Variants in MYO16 observed in about 807,000 individuals in gnomAD.
MYO16 encodes unconventional myosin-XVI.
Under a neutral mutation model 205.3 loss-of-function variants are expected in MYO16, and 94 were observed. The observed-to-expected ratio is 0.46, with a 90% confidence interval of 0.39 to 0.54. The LOEUF (loss-of-function observed/expected upper bound fraction) is 0.54. Ranked by LOEUF, MYO16 falls within the 20% of genes least tolerant of loss-of-function variation. The pLI, the probability that MYO16 is intolerant of heterozygous loss-of-function variation, is 0.00. For missense variants in MYO16, 2,315 were observed against 2,387.5 expected (o/e 0.97, Z 0.63); for synonymous variants, 988 against 954.0 (o/e 1.04, Z -0.66).
chr13:108,565,077 C>T, the MYO16 span, among the ~76,000 whole-genome samples: 3 of 152,076 alleles, frequency 2.0e-5, no homozygotes, highest in Non-Finnish European at 2.9e-5. Flanking sequence ...TTTGAAGTCA[C>T]GTAATATGAT....
At chr13:108,549,247 T>C in the MYO16 span, among the ~76,000 whole-genome samples, 3 of 152,164 alleles carry the variant, frequency 2.0e-5, no homozygotes, top group Non-Finnish European at 4.4e-5. Context: ...GGTGATCCCA[T>C]ATGATCCTAC....
chr13:108,584,685 C>T, the MYO16 span, among the ~76,000 whole-genome samples: 1 of 152,062 alleles, frequency 6.6e-6, no homozygotes, highest in Non-Finnish European at 1.5e-5. Flanking sequence ...ATGAGTTACC[C>T]TTTTTTAGCT....
intron 32 of MYO16, among the ~76,000 whole-genome samples, chr13:109,160,007 C>A (rs1029453611): frequency 2.6e-5 from 4 of 152,202 alleles, no homozygotes; most frequent in Non-Finnish European, 5.9e-5. Context: ...CGAGGTTTCT[C>A]GGCCTCAGTA....
chr13:108,724,331 A>G (rs1358732097), intron 3 of MYO16, among the ~76,000 whole-genome samples: 1 of 152,170 alleles, frequency 6.6e-6, no homozygotes, highest in Non-Finnish European at 1.5e-5. Flanking sequence ...TAGTACTGCC[A>G]GTGGAATGTT....
intron 1 of MYO16, among the ~76,000 whole-genome samples, chr13:108,599,856 T>C (rs1265896457): frequency 1.3e-5 from 2 of 152,188 alleles, no homozygotes; most frequent in Non-Finnish European, 2.9e-5. Context: ...CTTTGTAGCC[T>C]TGTACAGGCA....
chr13:109,062,546 TCAGTGG>T (rs1887624654), intron 27 of MYO16, among the ~76,000 whole-genome samples: 2 of 152,264 alleles, frequency 1.3e-5, no homozygotes, highest in South Asian at 4.1e-4. Flanking sequence ...TAATGGCATA[TCAGTGG>T]AAATGGAATT....
intron 4 of MYO16, among the ~76,000 whole-genome samples, chr13:108,741,338 G>T (rs4485216): frequency 5.9e-5 from 9 of 152,184 alleles, no homozygotes; most frequent in African/African-American, 2.2e-4. Flanking sequence ...GACTCACTCC[G>T]AATGAAGACT....
intron 16 of MYO16, among the ~76,000 whole-genome samples, chr13:108,947,377 T>C (rs532468833): frequency 1.3e-5 from 2 of 152,284 alleles, no homozygotes; most frequent in African/African-American, 4.8e-5. Context: ...AGGCTGAGGA[T>C]GTCTTGGTGT....
At chr13:109,023,626 T>TGTATATATAC in intron 23 of MYO16, among the ~76,000 whole-genome samples, 1 of 119,612 alleles carries the variant, frequency 8.4e-6, no homozygotes, top group African/African-American at 3.3e-5. Context: ...TACAAATATA[T>TGTATATATAC]AGACAAATAT....
At chr13:109,004,357 C>T (rs1445726693) in intron 21 of MYO16, among the ~76,000 whole-genome samples, 1 of 152,064 alleles carries the variant, frequency 6.6e-6, no homozygotes, top group East Asian at 1.9e-4. Flanking sequence ...TATTTCACCC[C>T]AAACTTTAAT....
intron 13 of MYO16, among the ~76,000 whole-genome samples, chr13:108,884,878 T>C (rs1328285545): frequency 6.6e-6 from 1 of 151,434 alleles, no homozygotes; most frequent in Admixed American, 6.6e-5. Flanking sequence ...AGACAGGGGC[T>C]CTCATCCATT....
chr13:108,698,580 G>A lies in MYO16; in HGVS notation c.293-14081G>A, dbSNP rs77090239. 1.4e-3 allele frequency among the ~76,000 whole-genome samples: 212 copies of A among 152,260 alleles called. 2 individuals are homozygous for A. The highest frequency in any genetic ancestry group is 3.4e-3 in the Middle Eastern group (1 of 294). On this transcript the variant is annotated intron_variant, in intron 2 of 34. Coordinates refer to ENST00000457511, the MANE Select transcript of MYO16 (RefSeq NM_001198950.3). Reference sequence around the variant, plus strand: ...AGAATTATCTAAGATAAAAGGAAATGCATGATGAAACTGCAGGGTGGGGTG... The same window carrying A: ...AGAATTATCTAAGATAAAAGGAAATACATGATGAAACTGCAGGGTGGGGTG...
chr13:108,596,508 C>T (rs1285381126), intron 1 of MYO16, among the ~76,000 whole-genome samples: 3 of 151,602 alleles, frequency 2.0e-5, no homozygotes, highest in East Asian at 1.9e-4. Flanking sequence ...TGAAAGTCTT[C>T]GTGAGTGAAG....
chr13:109,100,963 C>G (rs998793394), intron 28 of MYO16, 76 bp downstream of exon 28: 1 of 1,284,238 alleles, frequency 7.8e-7, no homozygotes, highest in Non-Finnish European at 1.1e-6. Context: ...AGGGAGCCAC[C>G]AGAATCTTCC....
intron 28 of MYO16, among the ~76,000 whole-genome samples, chr13:109,108,440 C>T (rs921553771): frequency 4.6e-5 from 7 of 152,198 alleles, no homozygotes; most frequent in Non-Finnish European, 4.4e-5. Context: ...CTATCTGGCA[C>T]CTACTAATTG....
chr13:108,846,912 T>C lies in MYO16; in HGVS notation c.1248+2419T>C, dbSNP rs191534829. 2.0e-5 allele frequency among the ~76,000 whole-genome samples: 3 copies of C among 152,312 alleles called. No homozygotes were observed. The East Asian group carries it at 5.8e-4, about 29-fold the overall frequency. On this transcript the variant is annotated intron_variant, in intron 10 of 34. Transcript: ENST00000457511. ...GATATGGCATGACTTTTAGTCAATG[T>C]GTATATGTGAAATTATTGTACATTT...
chr13:109,139,127 G>C (rs1325573044), intron 31 of MYO16, among the ~76,000 whole-genome samples: 14 of 152,236 alleles, frequency 9.2e-5, no homozygotes, highest in Admixed American at 8.5e-4. Context: ...GCTAATTTTT[G>C]TATTTTTGGT....
chr13:108,496,187 C>A, the MYO16 span, among the ~76,000 whole-genome samples: 1 of 151,676 alleles, frequency 6.6e-6, no homozygotes, highest in African/African-American at 2.4e-5. Flanking sequence ...GACTTCCCAA[C>A]CGCTAGGACG....
At chr13:108,713,142 T>C (rs1014944527) in intron 3 of MYO16, among the ~76,000 whole-genome samples, 3 of 151,868 alleles carry the variant, frequency 2.0e-5, no homozygotes, top group African/African-American at 7.3e-5. Context: ...AAGTAGGGGG[T>C]AAGTGAATAA....
Sources: gnomAD v4.1 joint callset for allele counts (sites outside exome capture counted in the v4.1 genomes callset) on GRCh38, gnomAD v4.1.1 for gene constraint, MANE v1.5 for transcripts, NCBI Gene and HGNC (gene_info 2026-07-23, HGNC 2026-07-21) for gene names.